The following CSF2RB variants were observed in gnomAD, a reference collection of about 807,000 sequenced individuals.
CSF2RB encodes colony stimulating factor 2 receptor subunit beta.
Under a neutral mutation model 67.2 loss-of-function variants are expected in CSF2RB, and 22 were observed. That is an observed-to-expected ratio of 0.33 (90% CI 0.23 to 0.47). The LOEUF (loss-of-function observed/expected upper bound fraction) is 0.47, where lower values mean the gene tolerates loss of function less well. CSF2RB is among the 20% of genes least tolerant of loss of function. The pLI, the probability that CSF2RB is intolerant of heterozygous loss-of-function variation, is 1.00. For missense variants in CSF2RB, 1,113 were observed against 1,174.5 expected (o/e 0.95, Z 0.76); for synonymous variants, 507 against 482.9 (o/e 1.05, Z -0.65).
chr22:36,934,663 C>G (rs543776364), intron 10 of CSF2RB, among the ~76,000 whole-genome samples: 4 of 150,880 alleles, frequency 2.7e-5, no homozygotes, highest in Admixed American at 1.3e-4. Context: ...GTGCACTGAC[C>G]CCTCACCTTT....
At chr22:36,920,620 C>T (rs1940836768) in intron 1 of CSF2RB, among the ~76,000 whole-genome samples, 1 of 152,208 alleles carries the variant, frequency 6.6e-6, no homozygotes, top group Non-Finnish European at 1.5e-5. Context: ...TCTGTTTGCA[C>T]TCCGTCCTTT....
chr22:36,930,861 G>A lies in CSF2RB; in HGVS notation c.1012+31G>A, dbSNP rs1240054562. The stretch of plus-strand genomic sequence containing the variant: ...TTTGCTCCTAGCCCGCTGTGGGGAT[G>A]GTCTGGGACCAGCACACCCTCATTG... On this transcript the variant is annotated intron_variant, in intron 8 of 13. Coordinates refer to ENST00000403662, the MANE Select transcript of CSF2RB (RefSeq NM_000395.3). The A allele has an allele frequency of 3.1e-6, 5 of 1,613,270 alleles. No individual in the cohort carries two copies. In the African/African-American group the frequency reaches 5.3e-5, roughly 17 times the overall value.
chr22:36,929,778 G>C lies in CSF2RB; in HGVS notation c.689G>C (p.Ser230Thr). ...SRLSGRPSKW[S>T]PEVCWDSQPG... Reference sequence around the variant, plus strand: ...CTCTCAGGACGTCCCAGCAAGTGGAGCCCAGAGGTTTGCTGGGACTCCCAG... The same window carrying C: ...CTCTCAGGACGTCCCAGCAAGTGGACCCCAGAGGTTTGCTGGGACTCCCAG... The change falls in exon 6 of 14, where the codon AGC becomes ACC. Residue 230 changes from serine to threonine, a missense_variant. Ser to Thr is a moderately conservative substitution (Grantham distance 58). This residue lies in a region of CSF2RB where 559 missense variants were observed against 656.5 expected (regional missense o/e 0.85). Transcript: ENST00000403662. 6.2e-7 allele frequency: 1 copy of C among 1,614,076 alleles called. No individual in the cohort carries two copies. The highest frequency in any genetic ancestry group is 1.1e-5 in the South Asian group (1 of 91,070).
In CSF2RB at chr22:36,938,248, C is replaced by T; in HGVS notation, c.2440C>T (p.Leu814Phe). Residue 814 changes from leucine to phenylalanine, a missense_variant, in exon 14 of 14, where the codon CTT becomes TTT. By Grantham distance (22) the Leu-to-Phe change is conservative. Coordinates refer to ENST00000403662, the MANE Select transcript of CSF2RB (RefSeq NM_000395.3). ...AACATCCCCACAGCCCGAGGGCCTC[C>T]TTGTCCTGCAGCAAGTGGGCGACTA... ...SPTSPQPEGL[L>F]VLQQVGDYCF... The T allele has an allele frequency of 6.2e-7, 1 of 1,614,182 alleles. No homozygotes were observed. Among genetic ancestry groups the T allele is most frequent in the Non-Finnish European group, 8.5e-7 (1 of 1,180,004 alleles).
chr22:36,939,139 G>T lies in CSF2RB; in HGVS notation c.*637G>T. Reference sequence around the variant, plus strand: ...GGGCATGGTATTGGGGGTCGGGGGGGCGGTGCAAGGGACGCACATGAGAGA... The same window carrying T: ...GGGCATGGTATTGGGGGTCGGGGGGTCGGTGCAAGGGACGCACATGAGAGA... On this transcript the variant is annotated 3_prime_UTR_variant, in exon 14 of 14. Transcript: ENST00000403662. 1 of 702,204 alleles carries T rather than the reference G, an allele frequency of 1.4e-6. No homozygotes were observed. 43.5% of individuals were successfully genotyped at this position (702,204 alleles called of 1,614,324 possible).
chr22:36,930,629 T>A (rs1193163115), intron 7 of CSF2RB, 44 bp from the exon 8 acceptor site: 3 of 1,611,592 alleles, frequency 1.9e-6, no homozygotes, highest in East Asian at 4.5e-5. Flanking sequence ...CTCCCTCCCG[T>A]GTGCCCTCCC....
At chr22:36,914,856 T>G (rs1940683359) in intron 1 of CSF2RB, among the ~76,000 whole-genome samples, 2 of 152,182 alleles carry the variant, frequency 1.3e-5, no homozygotes. Flanking sequence ...ACAGGATAAT[T>G]CATGAGTTGT....
chr22:36,922,758 A>G, intron 2 of CSF2RB: 2 of 281,310 alleles, frequency 7.1e-6, no homozygotes, highest in South Asian at 7.9e-5. Flanking sequence ...AAGGGCTCCC[A>G]GAGACCTGGC....
chr22:36,922,012 C>T (rs1349028951), intron 1 of CSF2RB, 24 bp from the exon 2 acceptor site: 1 of 609,168 alleles, frequency 1.6e-6, no homozygotes, highest in African/African-American at 1.8e-5. Flanking sequence ...AGGGGCAGCT[C>T]ACTGCTGACA....
At chr22:36,923,222 C>G in intron 2 of CSF2RB, 22 bp from the exon 3 acceptor site, 1 of 1,614,070 alleles carries the variant, frequency 6.2e-7, no homozygotes, top group Non-Finnish European at 8.5e-7. Context: ...GAGAGGTGAC[C>G]CCCTTCTACC....
In CSF2RB at chr22:36,917,250, T is replaced by G. The variant is rs534063604; in HGVS notation, c.-173+3573T>G. 1.3e-4 allele frequency among the ~76,000 whole-genome samples: 20 copies of G among 152,370 alleles called. 1 individual carries two copies. The South Asian group carries it at 3.3e-3, about 25-fold the overall frequency. ...AAATAGGTTTCTTAAGGGTTCTCCT[T>G]CCATGTATGGAGTACCCTCTACTTG... is the stretch of plus-strand genomic sequence containing the variant. On this transcript the variant is annotated intron_variant, in intron 1 of 13. Transcript: ENST00000403662.
rs1257902847 is a variant in CSF2RB, at chr22:36,933,847, A to G, written c.1168A>G (p.Thr390Ala). 6.2e-7 allele frequency: 1 copy of G among 1,608,746 alleles called. No homozygotes were observed. The highest frequency in any genetic ancestry group is 1.1e-5 in the South Asian group (1 of 90,834). The change falls in exon 10 of 14, where the codon ACC (threonine) becomes GCC (alanine). Residue 390 changes from threonine to alanine, a missense_variant. By Grantham distance (58) the Thr-to-Ala change is moderately conservative. Around this residue, in one of 2 missense-constraint regions of CSF2RB, gnomAD observed 559 missense variants for 656.5 expected, o/e 0.85. Transcript: ENST00000403662. ...TATWKDSKTE[T>A]LQNAHSMALP... ...CAACCCACAGGACAGCAAGACCGAG[A>G]CCCTCCAGAACGCCCACAGCATGGC... is the stretch of plus-strand genomic sequence containing the variant.
In CSF2RB at chr22:36,935,406, C is replaced by T. The variant is rs1941245632; in HGVS notation, c.1371C>T (p.Leu457=). Residue 457 remains leucine (L), a synonymous_variant, in exon 11 of 14, where the codon CTC becomes CTT. Coordinates refer to ENST00000403662, the MANE Select transcript of CSF2RB (RefSeq NM_000395.3). Reference sequence around the variant, plus strand: ...TGATCTTCCTCACCATCGCTGTGCTCCTGGCCCTCCGCTTCTGTGGCATCT... The same window carrying T: ...TGATCTTCCTCACCATCGCTGTGCTTCTGGCCCTCCGCTTCTGTGGCATCT... ...LIVIFLTIAV[L]LALRFCGIYG... is the part of the protein sequence containing the mutation. The T allele has an allele frequency of 1.2e-6, 2 of 1,614,068 alleles. No individual in the cohort carries two copies. The highest frequency in any genetic ancestry group is 1.7e-5 in the Admixed American group (1 of 59,992).
At chr22:36,921,243 T>G (rs1940860192) in intron 1 of CSF2RB, among the ~76,000 whole-genome samples, 1 of 146,028 alleles carries the variant, frequency 6.8e-6, no homozygotes, top group South Asian at 2.2e-4. Context: ...TGTGTCTCTG[T>G]GTGTGTGTTT....
chr22:36,923,166 TC>T (rs1940919816), intron 2 of CSF2RB, 77 bp from the exon 3 acceptor site: 3 of 1,610,314 alleles, frequency 1.9e-6, no homozygotes, highest in South Asian at 1.1e-5. Context: ...GAGCGGGACA[TC>T]CCAAAGCAGC....
intron 10 of CSF2RB, 109 bp downstream of exon 10, chr22:36,934,103 G>A (rs1941219420): frequency 9.2e-6 from 13 of 1,414,382 alleles, no homozygotes; most frequent in Non-Finnish European, 1.2e-5. Flanking sequence ...CAACTTGTAG[G>A]TGAGCCGTCT....
chr22:36,936,855 G>T (rs1174497759), intron 13 of CSF2RB, among the ~76,000 whole-genome samples: 1 of 152,160 alleles, frequency 6.6e-6, no homozygotes, highest in Non-Finnish European at 1.5e-5. Flanking sequence ...GCCAGACAAG[G>T]GGAGTGACCG....
Position 36,930,371 on chromosome 22 carries a change from C to A in CSF2RB, c.719-4C>A. On this transcript the variant is annotated splice_region_variant and splice_polypyrimidine_tract_variant and intron_variant, in intron 6 of 13. Transcript: ENST00000403662. ...GAGTACATGAGGACCTGTCTCCAAC[C>A]CAGGGGATGAGGCCCAGCCCCAGAA... 1 of 1,613,476 alleles carries A rather than the reference C, an allele frequency of 6.2e-7. No individual in the cohort carries two copies. Among genetic ancestry groups the A allele is most frequent in the Non-Finnish European group, 8.5e-7 (1 of 1,180,016 alleles).
Position 36,938,380 on chromosome 22 carries a change from A to C in CSF2RB, c.2572A>C (p.Lys858Gln). Residue 858 changes from lysine (K) to glutamine (Q), a missense_variant, in exon 14 of 14, where the codon AAG becomes CAG. Physicochemically the swap from Lys to Gln is moderately conservative, Grantham distance 53 (BLOSUM62 1). Coordinates refer to ENST00000403662, the MANE Select transcript of CSF2RB (RefSeq NM_000395.3). ...IKNLDQAFQV[K>Q]KPPGQAVPQV... is the part of the protein sequence containing the mutation. ...GAACCTAGACCAGGCTTTTCAAGTC[A>C]AGAAGCCCCCAGGCCAGGCTGTGCC... 6.2e-7 allele frequency: 1 copy of C among 1,614,108 alleles called. No individual in the cohort carries two copies. The highest frequency in any genetic ancestry group is 8.5e-7 in the Non-Finnish European group (1 of 1,179,996).
Sources: gnomAD v4.1 joint callset for allele counts (sites outside exome capture counted in the v4.1 genomes callset) on GRCh38, gnomAD v4.1.1 for gene constraint, gnomAD v4.1.1 regional missense constraint, MANE v1.5 for transcripts, NCBI Gene and HGNC (gene_info 2026-07-23, HGNC 2026-07-21) for gene names.